ZNF169: variants seen among roughly 807,000 people sequenced by gnomAD.
ZNF169 encodes zinc finger protein 169.
Under a neutral mutation model 12.0 loss-of-function variants are expected in ZNF169, and 11 were observed. The observed-to-expected ratio is 0.92, with a 90% CI of 0.58 to 1.52. The LOEUF (loss-of-function observed/expected upper bound fraction) is 1.52. Ranked by LOEUF, ZNF169 falls within the 40% of genes most tolerant of loss-of-function variation. The pLI is 0.00. For missense variants in ZNF169, 722 were observed against 744.0 expected (o/e 0.97, Z 0.34); for synonymous variants, 302 against 286.5 (o/e 1.05, Z -0.55).
chr9:94,297,948 C>G (rs190075231), intron 4 of ZNF169, among the ~76,000 whole-genome samples: 2 of 152,216 alleles, frequency 1.3e-5, no homozygotes, highest in East Asian at 3.9e-4. Context: ...AGGCGAATCA[C>G]TTGAGGTCAG....
At chr9:94,285,373 A>C (rs1394455263) in intron 2 of ZNF169, among the ~76,000 whole-genome samples, 1 of 152,180 alleles carries the variant, frequency 6.6e-6, no homozygotes, top group Non-Finnish European at 1.5e-5. Context: ...ATGGAGTGGA[A>C]AGAAAAATGA....
intron 1 of ZNF169, among the ~76,000 whole-genome samples, chr9:94,278,118 C>T (rs1169904361): frequency 6.6e-6 from 1 of 152,156 alleles, no homozygotes; most frequent in African/African-American, 2.4e-5. Flanking sequence ...GAAATATTTT[C>T]ATTAAGAAAA....
chr9:94,286,127 G>A (rs1830715534), intron 2 of ZNF169, among the ~76,000 whole-genome samples: 1 of 152,164 alleles, frequency 6.6e-6, no homozygotes, highest in Non-Finnish European at 1.5e-5. Flanking sequence ...GAGGATGTCT[G>A]TTGACTAGCC....
intron 2 of ZNF169, among the ~76,000 whole-genome samples, chr9:94,288,861 T>G (rs2118631535): frequency 6.6e-6 from 1 of 152,254 alleles, no homozygotes; most frequent in Admixed American, 6.5e-5. Flanking sequence ...CAGGTAGTTC[T>G]TTATAGCAGG....
intron 2 of ZNF169, among the ~76,000 whole-genome samples, chr9:94,291,515 A>G (rs1440116934): frequency 1.3e-5 from 2 of 152,250 alleles, no homozygotes; most frequent in Non-Finnish European, 2.9e-5. Flanking sequence ...GATCATTAAC[A>G]AAGAAATGAA....
intron 2 of ZNF169, among the ~76,000 whole-genome samples, chr9:94,290,408 C>T (rs1489141976): frequency 6.6e-6 from 1 of 152,134 alleles, no homozygotes; most frequent in African/African-American, 2.4e-5. Context: ...CTCCCCATCC[C>T]CACTCCCCCC....
intron 2 of ZNF169, chr9:94,288,524 G>C: frequency 1.7e-6 from 1 of 573,578 alleles, no homozygotes; most frequent in Admixed American, 2.1e-5. Flanking sequence ...GATTTGACAG[G>C]ATCTCATATG....
intron 1 of ZNF169, among the ~76,000 whole-genome samples, chr9:94,270,711 A>AT (rs1830378208): frequency 2.8e-5 from 1 of 36,158 alleles, no homozygotes; most frequent in South Asian, 1.4e-3. Flanking sequence ...ATAATTATAT[A>AT]ATATATAATA....
intron 2 of ZNF169, among the ~76,000 whole-genome samples, chr9:94,287,490 G>A (rs1435924423): frequency 6.6e-6 from 1 of 151,914 alleles, no homozygotes; most frequent in Non-Finnish European, 1.5e-5. Context: ...CTCAGCCCCC[G>A]GTTAGCTGGG....
In ZNF169 at chr9:94,276,009, A is replaced by C. The variant is rs1263272255; in HGVS notation, c.-55-2749A>C. The stretch of plus-strand genomic sequence containing the variant: ...GGCTGGCCTCGAACTCCTGACCTCA[A>C]GTGATACACCCGCCTCAGCCACCTC... On this transcript the variant is annotated intron_variant, in intron 1 of 4. Transcript: ENST00000395395. Among the ~76,000 whole-genome samples, 3 of 151,960 alleles carry C rather than the reference A, an allele frequency of 2.0e-5. No individual in the cohort carries two copies. In the East Asian group the frequency reaches 5.8e-4, roughly 29 times the overall value.
intron 2 of ZNF169, among the ~76,000 whole-genome samples, chr9:94,286,597 A>G (rs1434427380): frequency 6.6e-6 from 1 of 152,034 alleles, no homozygotes; most frequent in Non-Finnish European, 1.5e-5. Context: ...GAAGGGGAGG[A>G]ATTAATTCCA....
chr9:94,263,537 T>A (rs1333660468), intron 1 of ZNF169, among the ~76,000 whole-genome samples: 5 of 151,458 alleles, frequency 3.3e-5, no homozygotes, highest in African/African-American at 9.7e-5. Flanking sequence ...TTTTTTAATC[T>A]ATTCTGATAA....
At chr9:94,287,821 C>T in intron 2 of ZNF169, 1 of 1,124,296 alleles carries the variant, frequency 8.9e-7, no homozygotes, top group Non-Finnish European at 1.4e-6. Flanking sequence ...TATCCTAAAC[C>T]TCTCAGGCTG....
In ZNF169 at chr9:94,284,096, A is replaced by G. The variant is rs572200585; in HGVS notation, c.33+5251A>G. Among the ~76,000 whole-genome samples the G allele has an allele frequency of 3.0e-3, 418 of 141,076 alleles. 2 individuals are homozygous for G. Among genetic ancestry groups the G allele is most frequent in the Non-Finnish European group, 5.6e-3 (365 of 65,180 alleles). 92.6% of individuals were successfully genotyped at this position (141,076 alleles called of 152,430 possible). ...CAAAAAAAAAAAAAAAAAAAAAAGG[A>G]CTATAACTAGTAAGTATATTGAATT... On this transcript the variant is annotated intron_variant, in intron 2 of 4. Coordinates refer to ENST00000395395, the MANE Select transcript of ZNF169 (RefSeq NM_194320.4).
At chr9:94,291,873 A>G (rs1231100547) in intron 2 of ZNF169, among the ~76,000 whole-genome samples, 1 of 152,266 alleles carries the variant, frequency 6.6e-6, no homozygotes, top group African/African-American at 2.4e-5. Flanking sequence ...TTGAAGATCC[A>G]ATATAGTAAA....
intron 4 of ZNF169, among the ~76,000 whole-genome samples, chr9:94,297,877 G>A (rs997356314): frequency 6.6e-6 from 1 of 152,136 alleles, no homozygotes; most frequent in Admixed American, 6.5e-5. Context: ...TTAAAAATTT[G>A]TTCCAGGGGC....
chr9:94,298,604 G>A (rs898222858), intron 4 of ZNF169, among the ~76,000 whole-genome samples: 4 of 151,674 alleles, frequency 2.6e-5, no homozygotes, highest in African/African-American at 7.3e-5. Flanking sequence ...GGGCATGGTG[G>A]TGCACGCCTG....
intron 1 of ZNF169, among the ~76,000 whole-genome samples, chr9:94,266,017 C>A (rs1480343278): frequency 6.8e-6 from 1 of 147,680 alleles, no homozygotes; most frequent in Non-Finnish European, 1.5e-5. Flanking sequence ...ACCCGGGAGG[C>A]AGAGGTTGCA....
intron 2 of ZNF169, 116 bp downstream of exon 2, chr9:94,278,961 CATCTT>C (rs1441490727): frequency 1.0e-6 from 1 of 991,022 alleles, no homozygotes. Context: ...AGGCGTGACT[CATCTT>C]ATCTGGAGTT....
Sources: gnomAD v4.1 joint callset for allele counts (sites outside exome capture counted in the v4.1 genomes callset) on GRCh38, gnomAD v4.1.1 for gene constraint, MANE v1.5 for transcripts, NCBI Gene and HGNC (gene_info 2026-07-23, HGNC 2026-07-21) for gene names.